Variants in ANKRD30B observed in about 807,000 individuals in gnomAD.
ANKRD30B encodes the protein ankyrin repeat domain-containing protein 30B.
A neutral mutation model predicts 202.2 loss-of-function variants in ANKRD30B; 144 were observed. The ratio of observed to expected loss-of-function variants is 0.71; its 90% CI spans 0.62 to 0.82. The LOEUF is 0.82. Among genes scored for constraint, ANKRD30B ranks in the 40% least tolerant of loss-of-function variants. ANKRD30B has a pLI of 0.00. For missense variants in ANKRD30B, 1,487 were observed against 1,669.1 expected (o/e 0.89, Z 1.90); for synonymous variants, 508 against 561.3 (o/e 0.91, Z 1.34).
At chr18:14,904,125 C>A in the ANKRD30B span, among the ~76,000 whole-genome samples, 1 of 152,192 alleles carries the variant, frequency 6.6e-6, no homozygotes, top group Non-Finnish European at 1.5e-5. Context: ...TCACATGGGC[C>A]ATGGGGCATT....
rs1432773497 is a variant in ANKRD30B at position 14,799,100 on chromosome 18, G to T, written c.2030-1G>T. On this transcript the variant is annotated splice_acceptor_variant, in intron 20 of 43. Transcript: ENST00000690538. LOFTEE classifies it high-confidence loss of function. ...AATTATATATGTCCCTTTTCTTTTA[G>T]AGTCTCCTGATAATGATGGTCTTCT... 2 of 1,571,898 alleles carry T rather than the reference G, an allele frequency of 1.3e-6. No individual in the cohort carries two copies. Among genetic ancestry groups the T allele is most frequent in the African/African-American group, 2.7e-5 (2 of 73,848 alleles).
At chr18:14,913,514 A>T in the ANKRD30B span, among the ~76,000 whole-genome samples, 1 of 152,236 alleles carries the variant, frequency 6.6e-6, no homozygotes, top group Non-Finnish European at 1.5e-5. Flanking sequence ...TGAACAATTC[A>T]CACTCTCTTT....
At chr18:14,863,482 C>T in the ANKRD30B span, among the ~76,000 whole-genome samples, 1 of 152,022 alleles carries the variant, frequency 6.6e-6, no homozygotes, top group Non-Finnish European at 1.5e-5. Flanking sequence ...TGAGGTCTCA[C>T]CCAAACCTGA....
intron 8 of ANKRD30B, among the ~76,000 whole-genome samples, chr18:14,770,371 CTT>C (rs1198723728): frequency 6.6e-6 from 1 of 152,032 alleles, no homozygotes; most frequent in Non-Finnish European, 1.5e-5. Flanking sequence ...CTCAAAGTGA[CTT>C]ATTTAAATAT....
At chr18:14,860,412 C>A in the ANKRD30B span, among the ~76,000 whole-genome samples, 26 of 107,476 alleles carry the variant, frequency 2.4e-4, no homozygotes, top group Admixed American at 3.0e-4. Flanking sequence ...CGCTCCTCAC[C>A]TCCCAGATGG....
the ANKRD30B span, among the ~76,000 whole-genome samples, chr18:14,924,797 C>T: frequency 6.6e-6 from 1 of 152,178 alleles, no homozygotes; most frequent in Non-Finnish European, 1.5e-5. Flanking sequence ...CCTGGTGTTC[C>T]CCAGGCTGAG....
At chr18:14,773,820 T>G (rs1163228830) in intron 9 of ANKRD30B, among the ~76,000 whole-genome samples, 1 of 152,046 alleles carries the variant, frequency 6.6e-6, no homozygotes, top group African/African-American at 2.4e-5. Context: ...AATGCACAGT[T>G]AATTTTTGTA....
chr18:14,865,615 AG>A, the ANKRD30B span, among the ~76,000 whole-genome samples: 71 of 138,698 alleles, frequency 5.1e-4, no homozygotes, highest in African/African-American at 1.5e-3. Flanking sequence ...ATCTACCCCC[AG>A]TTTTTTTTTT....
At chr18:14,750,752 A>G (rs1913296188) in intron 1 of ANKRD30B, among the ~76,000 whole-genome samples, 1 of 152,152 alleles carries the variant, frequency 6.6e-6, no homozygotes, top group African/African-American at 2.4e-5. Flanking sequence ...GTAGAAACAT[A>G]TACGGAAGTA....
At chr18:14,938,507 T>G in the ANKRD30B span, among the ~76,000 whole-genome samples, 1 of 152,136 alleles carries the variant, frequency 6.6e-6, no homozygotes, top group Non-Finnish European at 1.5e-5. Context: ...GTCCTCTACC[T>G]GGTAGGGGAC....
At position 14,754,956 on chromosome 18, in the gene ANKRD30B, T is replaced by G. The variant is rs1164734006; in HGVS notation, c.568T>G (p.Phe190Val). The G allele has an allele frequency of 1.9e-6, 3 of 1,555,276 alleles. No homozygotes were observed. The highest frequency in any genetic ancestry group is 2.6e-6 in the Non-Finnish European group (3 of 1,149,354). ...IQKRSKQTVEFLLTKNANANA... is the reference protein window; with the variant it reads ...IQKRSKQTVEVLLTKNANANA... ...GAAAAGAAGCAAGCAAACTGTGGAA[T>G]TTTTACTAACAAAAAATGCAAATGC... Residue 190 changes from phenylalanine (F) to valine (V), a missense_variant, in exon 4 of 44, where the codon TTT (phenylalanine) becomes GTT (valine). Phe to Val is a conservative substitution (Grantham distance 50). Transcript: ENST00000690538.
intron 15 of ANKRD30B, 128 bp from the exon 16 acceptor site, chr18:14,791,273 C>A: frequency 5.5e-6 from 4 of 725,516 alleles, no homozygotes; most frequent in Non-Finnish European, 9.2e-6. Context: ...TACGTGTGTA[C>A]TCTTAAGTCG....
At chr18:14,817,340 T>TA (rs1424449605) in intron 30 of ANKRD30B, among the ~76,000 whole-genome samples, 1 of 152,152 alleles carries the variant, frequency 6.6e-6, no homozygotes, top group Non-Finnish European at 1.5e-5. Context: ...GTCCTGACTC[T>TA]AAAAAACTCC....
chr18:14,865,120 C>T, the ANKRD30B span, among the ~76,000 whole-genome samples: 2 of 151,866 alleles, frequency 1.3e-5, no homozygotes, highest in African/African-American at 2.4e-5. Flanking sequence ...CTCTTCTCCC[C>T]CTCCATCTAC....
chr18:14,837,266 A>G lies in ANKRD30B; in HGVS notation c.2903A>G (p.Glu968Gly). 1.3e-6 allele frequency: 2 copies of G among 1,549,550 alleles called. No individual in the cohort carries two copies. Among genetic ancestry groups the G allele is most frequent in the Non-Finnish European group, 1.7e-6 (2 of 1,145,918 alleles). ...CAGGAACGTGATATTGGCATTATTG[A>G]ACGAGCTCCACAAGATCAAACAAGT... The part of the protein sequence containing the change: ...GQQERDIGII[E>G]RAPQDQTNKM... The change falls in exon 35 of 44, where the codon GAA becomes GGA. Residue 968 changes from glutamate to glycine, a missense_variant. Around this residue, in one of 6 missense-constraint regions of ANKRD30B, gnomAD observed 218 missense variants for 320.1 expected, o/e 0.68. Coordinates refer to ENST00000690538, the MANE Select transcript of ANKRD30B (RefSeq NM_001367607.2).
At chr18:14,767,699 CAG>C (rs1409485248) in intron 7 of ANKRD30B, among the ~76,000 whole-genome samples, 1 of 114,660 alleles carries the variant, frequency 8.7e-6, no homozygotes, top group Non-Finnish European at 1.8e-5. Context: ...GACTCAGAAA[CAG>C]ACCATTTTGA....
chr18:14,911,181 A>G, the ANKRD30B span, among the ~76,000 whole-genome samples: 587 of 152,174 alleles, frequency 3.9e-3, 17 homozygotes, highest in East Asian at 0.071. Flanking sequence ...GGACTTAGTC[A>G]TACATTTTTT....
the ANKRD30B span, among the ~76,000 whole-genome samples, chr18:14,931,906 CCACCCCACCTCCCTCCT>C: frequency 1.5e-5 from 2 of 135,280 alleles, no homozygotes; most frequent in South Asian, 2.4e-4. Flanking sequence ...CCCAGGCCCC[CCACCCCACCTCCCTCCT>C]GCTCTGTCCC....
rs558471103 is a variant in ANKRD30B at position 14,809,992 on chromosome 18, C to G, written c.2393C>G (p.Pro798Arg). Residue 798 changes from proline (P) to arginine (R), a missense_variant, in exon 27 of 44, where the codon CCT (proline) becomes CGT (arginine). This residue lies in a region of ANKRD30B where 218 missense variants were observed against 320.1 expected (regional missense o/e 0.68). Transcript: ENST00000690538. ...KDRETLKAESPDKDGLLKPTC... is the reference protein window; with the variant it reads ...KDRETLKAESRDKDGLLKPTC... The stretch of plus-strand genomic sequence containing the variant: ...TATGTCCCTTTTCTTTTAGAGTCTC[C>G]TGATAAAGATGGTCTTCTGAAGGTA... 5.5e-5 allele frequency: 79 copies of G among 1,424,870 alleles called. 2 individuals carry two copies. In the South Asian group the frequency reaches 8.5e-4, roughly 15 times the overall value. The allele number at this position is 1,424,870 out of a possible 1,614,324, so 88.3% of individuals were successfully genotyped here.
Sources: allele counts gnomAD v4.1 joint callset (sites outside exome capture counted in the v4.1 genomes callset), GRCh38; gene constraint gnomAD v4.1.1; regional missense constraint gnomAD v4.1.1; transcripts MANE v1.5; gene names NCBI Gene and HGNC (gene_info 2026-07-23, HGNC 2026-07-21).